TBXAS1: variants seen among roughly 807,000 people sequenced by gnomAD.
The protein encoded by TBXAS1 is thromboxane A synthase 1, also known as thromboxane-A synthase.
In TBXAS1, 48 loss-of-function variants were observed where a neutral mutation model predicts 60.7. The observed-to-expected ratio is 0.79, with a 90% CI of 0.63 to 1.01. The LOEUF (loss-of-function observed/expected upper bound fraction) is 1.01. Ranked by LOEUF, TBXAS1 falls within the 50% of genes least tolerant of loss-of-function variation. TBXAS1 has a pLI of 0.00. For missense variants in TBXAS1, 685 were observed against 686.3 expected, an observed-to-expected ratio of 1.00 and a Z score of 0.02; for synonymous variants, 287 against 269.7, an observed-to-expected ratio of 1.06 and a Z score of -0.63.
intron 3 of TBXAS1, chr7:139,782,742 C>T (rs896651527): frequency 6.6e-6 from 1 of 152,164 alleles, no homozygotes; most frequent in Admixed American, 6.6e-5. Context: ...AGGTCACTAT[C>T]TCAAGTTCTG....
intron 5 of TBXAS1, among the ~76,000 whole-genome samples, chr7:139,944,868 C>T (rs1430106158): frequency 2.6e-5 from 4 of 152,180 alleles, no homozygotes; most frequent in Non-Finnish European, 4.4e-5. Context: ...CAGCATTGTC[C>T]AAACTTTCAG....
intron 2 of TBXAS1, among the ~76,000 whole-genome samples, chr7:139,873,509 T>C (rs1373708713): frequency 6.6e-6 from 1 of 152,148 alleles, no homozygotes; most frequent in African/African-American, 2.4e-5. Flanking sequence ...GAAGAACTCT[T>C]GTGACAAATT....
At chr7:139,978,457 C>T (rs190134405) in intron 9 of TBXAS1, among the ~76,000 whole-genome samples, 1 of 151,504 alleles carries the variant, frequency 6.6e-6, no homozygotes, top group Admixed American at 6.6e-5. Context: ...TTGCAGTTCG[C>T]TGAGATTGCA....
At chr7:139,850,565 G>C (rs1800147017) in intron 1 of TBXAS1, among the ~76,000 whole-genome samples, 1 of 152,114 alleles carries the variant, frequency 6.6e-6, no homozygotes, top group Non-Finnish European at 1.5e-5. Flanking sequence ...GGGCTGAGTA[G>C]TGTCCCCTCG....
chr7:139,897,820 AG>A (rs1268134693), intron 3 of TBXAS1, among the ~76,000 whole-genome samples: 1 of 152,166 alleles, frequency 6.6e-6, no homozygotes, highest in Non-Finnish European at 1.5e-5. Flanking sequence ...AGTGACAGAC[AG>A]GAGCCCTGGG....
chr7:139,951,593 TAAAAAAAA>T (rs66551791), intron 5 of TBXAS1, among the ~76,000 whole-genome samples: 32 of 66,314 alleles, frequency 4.8e-4, no homozygotes, highest in African/African-American at 1.7e-3. Context: ...CCGTCTCTAC[TAAAAAAAA>T]AAAAAAAAAA....
intron 1 of TBXAS1, among the ~76,000 whole-genome samples, chr7:139,853,244 A>G (rs116641657): frequency 4.0e-5 from 6 of 151,680 alleles, no homozygotes; most frequent in African/African-American, 1.5e-4. Flanking sequence ...GGGGACTCAG[A>G]GCCCTCAACC....
chr7:139,870,165 G>A (rs1417002463), intron 1 of TBXAS1, among the ~76,000 whole-genome samples: 1 of 152,196 alleles, frequency 6.6e-6, no homozygotes, highest in African/African-American at 2.4e-5. Flanking sequence ...GATGCCATGT[G>A]TTTGAAAATG....
chr7:139,805,793 G>A (rs1195737073), intron 4 of TBXAS1, among the ~76,000 whole-genome samples: 1 of 136,376 alleles, frequency 7.3e-6, no homozygotes, highest in Non-Finnish European at 1.5e-5. Context: ...TTTTGAAACA[G>A]CCTGCTGCCC....
chr7:139,806,410 G>A (rs1797879283), intron 4 of TBXAS1, among the ~76,000 whole-genome samples: 5 of 151,482 alleles, frequency 3.3e-5, no homozygotes, highest in South Asian at 2.1e-4. Flanking sequence ...TTACAGGCGC[G>A]CTCTACCATA....
intron 9 of TBXAS1, among the ~76,000 whole-genome samples, chr7:140,003,111 C>T (rs886473718): frequency 5.3e-5 from 7 of 131,874 alleles, no homozygotes; most frequent in East Asian, 2.2e-4. Context: ...GCAACAAGAG[C>T]GAAACTCCGT....
intron 9 of TBXAS1, among the ~76,000 whole-genome samples, chr7:139,998,637 A>C (rs539738806): frequency 1.3e-5 from 2 of 152,316 alleles, no homozygotes; most frequent in Non-Finnish European, 2.9e-5. Flanking sequence ...GGATGTAAAA[A>C]TCCATTGGTG....
chr7:139,792,333 T>G (rs1448188231), intron 4 of TBXAS1, among the ~76,000 whole-genome samples: 1 of 152,168 alleles, frequency 6.6e-6, no homozygotes, highest in African/African-American at 2.4e-5. Context: ...ACTCCTGGCT[T>G]TACAGAGATT....
chr7:139,827,730 T>C (rs1798480167), upstream of TBXAS1, among the ~76,000 whole-genome samples: 2 of 152,230 alleles, frequency 1.3e-5, no homozygotes, highest in South Asian at 4.1e-4. Flanking sequence ...TATCTTTCCT[T>C]CATATATGGT....
chr7:139,975,579 G>T lies in TBXAS1; in HGVS notation c.1134+13346G>T, dbSNP rs1224995252. On this transcript the variant is annotated intron_variant, in intron 9 of 12. Coordinates refer to ENST00000448866, the MANE Select transcript of TBXAS1 (RefSeq NM_001061.7). This position sits in a 1 kb window ranked among gnomAD's most constrained non-coding sequence, Gnocchi z 4.4. Reference sequence around the variant, plus strand: ...GTCTGCACTGCATCTTCACAGCACTGAGAAAATGCCAGTCATTCAGGAGGA... The same window carrying T: ...GTCTGCACTGCATCTTCACAGCACTTAGAAAATGCCAGTCATTCAGGAGGA... Among the ~76,000 whole-genome samples, 1 of 152,060 alleles carries T rather than the reference G, an allele frequency of 6.6e-6. No homozygotes were observed. Among genetic ancestry groups the T allele is most frequent in the Non-Finnish European group, 1.5e-5 (1 of 68,012 alleles).
At chr7:139,878,118 AGAGAGAGAGAGAAG>A (rs924453109) in intron 3 of TBXAS1, among the ~76,000 whole-genome samples, 1 of 151,430 alleles carries the variant, frequency 6.6e-6, no homozygotes, top group Non-Finnish European at 1.5e-5. Context: ...TGAGAGAGAG[AGAGAGAGAGAGAAG>A]GAGAGAGAGA....
chr7:139,936,331 C>G, intron 5 of TBXAS1, 24 bp downstream of exon 5: 1 of 1,608,234 alleles, frequency 6.2e-7, no homozygotes, highest in Non-Finnish European at 8.5e-7. Context: ...AATGCAAACT[C>G]TCTTCTCTTA....
In TBXAS1 at chr7:139,896,769, C is replaced by T. The variant is rs1419107535; in HGVS notation, c.237-14456C>T. On this transcript the variant is annotated intron_variant, in intron 3 of 12. Transcript: ENST00000448866. This position sits in a 1 kb window ranked among gnomAD's most constrained non-coding sequence, Gnocchi z 4.0. ...ACCGTGAACTGAGAACGTTTGGAAA[C>T]ACAGGTATAAGAGGAATGGGGTGAG... is the stretch of plus-strand genomic sequence containing the variant. Among the ~76,000 whole-genome samples the T allele has an allele frequency of 1.3e-5, 2 of 152,158 alleles. No homozygotes were observed. Among genetic ancestry groups the T allele is most frequent in the African/African-American group, 4.8e-5 (2 of 41,414 alleles).
chr7:140,017,634 G>C, intron 11 of TBXAS1, 37 bp from the exon 12 acceptor site: 1 of 1,609,932 alleles, frequency 6.2e-7, no homozygotes, highest in Non-Finnish European at 8.5e-7. Context: ...GGAGGGAGCG[G>C]GTGTTCTGGG....
Sources: allele counts gnomAD v4.1 joint callset (sites outside exome capture counted in the v4.1 genomes callset), GRCh38; gene constraint gnomAD v4.1.1; non-coding constraint Gnocchi (gnomAD v3.1); transcripts MANE v1.5; gene names NCBI Gene and HGNC (gene_info 2026-07-23, HGNC 2026-07-21).